The following DCDC2C variants were observed in gnomAD, a reference collection of about 807,000 sequenced individuals.
DCDC2C encodes the protein doublecortin domain-containing protein 2C.
In DCDC2C, 44 loss-of-function variants were observed where a neutral mutation model predicts 45.0. The ratio of observed to expected loss-of-function variants is 0.98; its 90% CI spans 0.77 to 1.26. The LOEUF is 1.26. DCDC2C is among the 50% of genes most tolerant of loss of function. The probability of loss-of-function intolerance (pLI) is 0.00; values close to 1 mark genes in which losing one functional copy is unlikely to be tolerated. For synonymous variants in DCDC2C, 187 were observed against 178.8 expected (o/e 1.05, Z -0.37); for missense variants, 447 against 468.9 (o/e 0.95, Z 0.43).
chr2:3,707,105 C>T (rs1668083824), intron 1 of DCDC2C, among the ~76,000 whole-genome samples: 1 of 152,208 alleles, frequency 6.6e-6, no homozygotes, highest in African/African-American at 2.4e-5. Flanking sequence ...CCGCCCACCT[C>T]AGAGCAAGCC....
At chr2:3,807,743 C>T (rs904867888) in intron 10 of DCDC2C, among the ~76,000 whole-genome samples, 2 of 152,012 alleles carry the variant, frequency 1.3e-5, no homozygotes, top group Non-Finnish European at 2.9e-5. Flanking sequence ...TATTCCCATG[C>T]CACCCCCATG....
At chr2:3,814,767 G>GGATGGGTCAGGAACCTT (rs1419634501) in intron 10 of DCDC2C, among the ~76,000 whole-genome samples, 1 of 152,250 alleles carries the variant, frequency 6.6e-6, no homozygotes, top group African/African-American at 2.4e-5. Flanking sequence ...CTACAGGGAA[G>GGATGGGTCAGGAACCTT]CCCTGCCCAA....
rs542228465 is a variant in DCDC2C at position 3,741,940 on chromosome 2, T to C, written c.437T>C (p.Leu146Ser). 2.7e-5 allele frequency: 42 copies of C among 1,548,670 alleles called. No homozygotes were observed. The South Asian group carries it at 4.9e-4, about 18-fold the overall frequency. ...TACAGTGTTTTTACAAATGGAAGAT[T>C]ATTTATTCCACCTGCAAAAATCATT... ...RHINVFTNGR[L>S]FIPPAKIIIP... The change falls in exon 4 of 11, where the codon TTA (leucine) becomes TCA (serine). Residue 146 changes from leucine (L) to serine (S), a missense_variant. By Grantham distance (145) the Leu-to-Ser change is moderately radical. Coordinates refer to ENST00000399143, the MANE Select transcript of DCDC2C (RefSeq NM_001287444.2).
intron 10 of DCDC2C, among the ~76,000 whole-genome samples, chr2:3,803,724 A>T (rs983982845): frequency 6.6e-6 from 1 of 151,454 alleles, no homozygotes; most frequent in Non-Finnish European, 1.5e-5. Flanking sequence ...TCGAGGCCTG[A>T]GCCTGGTATT....
chr2:3,838,681 G>A lies in DCDC2C; in HGVS notation c.1066-8473G>A, dbSNP rs528014733. On this transcript the variant is annotated intron_variant, in intron 10 of 10. Coordinates refer to ENST00000399143, the MANE Select transcript of DCDC2C (RefSeq NM_001287444.2). ...GCAAGAACGGCCCCTACCCACTTCCGTGGCTGGTGGTTCAAGCGTGTGGAA... is the reference window on the plus strand; with the variant it reads ...GCAAGAACGGCCCCTACCCACTTCCATGGCTGGTGGTTCAAGCGTGTGGAA... 4.6e-5 allele frequency among the ~76,000 whole-genome samples: 7 copies of A among 152,292 alleles called. No individual in the cohort carries two copies. In the East Asian group the frequency reaches 1.4e-3, roughly 29 times the overall value.
At chr2:3,769,452 A>G (rs1670105405) in intron 8 of DCDC2C, 41 bp downstream of exon 8, 1 of 1,515,634 alleles carries the variant, frequency 6.6e-7, no homozygotes, top group Non-Finnish European at 9.0e-7. Flanking sequence ...TCTTCACTCC[A>G]TTCCATCAGC....
At position 3,818,411 on chromosome 2, in the gene DCDC2C, T is replaced by A. The variant is rs1239076591; in HGVS notation, c.1066-28743T>A. 6.6e-6 allele frequency among the ~76,000 whole-genome samples: 1 copy of A among 151,342 alleles called. No homozygotes were observed. The highest frequency in any genetic ancestry group is 1.5e-5 in the Non-Finnish European group (1 of 67,844). On this transcript the variant is annotated intron_variant, in intron 10 of 10. Transcript: ENST00000399143. This position sits in a 1 kb window ranked among gnomAD's most constrained non-coding sequence, Gnocchi z 4.7. ...AACAGAATAATGGGTTATGGAGGGGTTGTGGAGGGAGGTATTGAGGATAGG... is the reference window on the plus strand; with the variant it reads ...AACAGAATAATGGGTTATGGAGGGGATGTGGAGGGAGGTATTGAGGATAGG...
At chr2:3,720,384 C>T (rs1320004660) in intron 2 of DCDC2C, among the ~76,000 whole-genome samples, 1 of 127,782 alleles carries the variant, frequency 7.8e-6, no homozygotes, top group Admixed American at 7.0e-5. Flanking sequence ...CTCCCTGCCT[C>T]CCTAAAGAGC....
At position 3,703,836 on chromosome 2, in the gene DCDC2C, G is replaced by C; in HGVS notation, c.85G>C (p.Val29Leu). ...GTACCGCAACGGGGACCCGTTCTAC[G>C]TGGGCAAGAAGTTCGTGCTGTCGCG... is the stretch of plus-strand genomic sequence containing the variant. ...VVYRNGDPFY[V>L]GKKFVLSRRR... Residue 29 changes from valine to leucine, a missense_variant, in exon 1 of 11, where the codon GTG becomes CTG. By Grantham distance (32) the Val-to-Leu change is conservative. Transcript: ENST00000399143. This position sits in a 1 kb window ranked among gnomAD's most constrained non-coding sequence, Gnocchi z 4.4. 7.9e-7 allele frequency: 1 copy of C among 1,272,540 alleles called. No homozygotes were observed. Among genetic ancestry groups the C allele is most frequent in the Non-Finnish European group, 1.0e-6 (1 of 1,004,786 alleles). 78.8% of individuals were successfully genotyped at this position (1,272,540 alleles called of 1,614,324 possible).
At chr2:3,748,060 G>A (rs1351799614) in intron 4 of DCDC2C, among the ~76,000 whole-genome samples, 4 of 152,214 alleles carry the variant, frequency 2.6e-5, no homozygotes, top group Non-Finnish European at 4.4e-5. Context: ...GAAGCCACCG[G>A]TGGCAGGGAA....
At chr2:3,751,325 T>C (rs753748603) in intron 4 of DCDC2C, among the ~76,000 whole-genome samples, 2 of 152,214 alleles carry the variant, frequency 1.3e-5, no homozygotes, top group Non-Finnish European at 2.9e-5. Flanking sequence ...CAAAGGGGAC[T>C]GACTGTCCCC....
At chr2:3,840,487 A>G (rs1050297206) in intron 10 of DCDC2C, among the ~76,000 whole-genome samples, 15 of 152,272 alleles carry the variant, frequency 9.9e-5, no homozygotes, top group African/African-American at 3.6e-4. Flanking sequence ...CAGAAGGTAC[A>G]ATTTGCATAA....
At chr2:3,809,250 G>A (rs1671330954) in intron 10 of DCDC2C, among the ~76,000 whole-genome samples, 1 of 152,186 alleles carries the variant, frequency 6.6e-6, no homozygotes, top group Non-Finnish European at 1.5e-5. Context: ...GTCAGCGTTA[G>A]ATGTGACTTG....
intron 8 of DCDC2C, among the ~76,000 whole-genome samples, chr2:3,772,970 A>G (rs1197557559): frequency 6.6e-6 from 1 of 152,212 alleles, no homozygotes; most frequent in East Asian, 1.9e-4. Context: ...GAGAGAATCA[A>G]GATTGGGGTT....
intron 10 of DCDC2C, among the ~76,000 whole-genome samples, chr2:3,816,027 G>A (rs183279210): frequency 4.7e-4 from 69 of 147,628 alleles, no homozygotes; most frequent in African/African-American, 8.0e-4. Flanking sequence ...GAGAGATAAC[G>A]GGTGATGCTT....
chr2:3,832,300 G>T (rs1374129015), intron 10 of DCDC2C, among the ~76,000 whole-genome samples: 4 of 152,160 alleles, frequency 2.6e-5, no homozygotes, highest in African/African-American at 9.7e-5. Flanking sequence ...GTTTTTGTCA[G>T]TGTGAATAAA....
At chr2:3,827,695 G>T (rs1178542331) in intron 10 of DCDC2C, among the ~76,000 whole-genome samples, 1 of 152,122 alleles carries the variant, frequency 6.6e-6, no homozygotes, top group Admixed American at 6.6e-5. Context: ...ATCATTCAGT[G>T]TGATAAATGC....
intron 8 of DCDC2C, among the ~76,000 whole-genome samples, chr2:3,772,884 T>G (rs1261669732): frequency 6.6e-6 from 1 of 152,174 alleles, no homozygotes; most frequent in African/African-American, 2.4e-5. Flanking sequence ...CTAGCTGTTT[T>G]GAAAGCTCAT....
At chr2:3,785,173 G>T in intron 10 of DCDC2C, 73 bp downstream of exon 10, 1 of 1,133,100 alleles carries the variant, frequency 8.8e-7, no homozygotes, top group Non-Finnish European at 1.1e-6. Flanking sequence ...AGAATCCACG[G>T]ATCCCCAAAT....
Sources: allele counts gnomAD v4.1 joint callset (sites outside exome capture counted in the v4.1 genomes callset), GRCh38; gene constraint gnomAD v4.1.1; non-coding constraint Gnocchi (gnomAD v3.1); transcripts MANE v1.5; gene names NCBI Gene and HGNC (gene_info 2026-07-23, HGNC 2026-07-21).